The following SAMD12 variants were observed in gnomAD, a reference collection of about 807,000 sequenced individuals.
SAMD12 encodes the protein sterile alpha motif domain-containing protein 12.
SAMD12 carries 9 observed loss-of-function variants against 15.0 expected under a neutral mutation model. That is an observed-to-expected ratio of 0.60 (90% CI 0.36 to 1.05). SAMD12 has a LOEUF of 1.05. Ranked by LOEUF, SAMD12 falls within the 50% of genes least tolerant of loss-of-function variation. The pLI, the probability that SAMD12 is intolerant of heterozygous loss-of-function variation, is 0.01. For missense variants in SAMD12, 230 were observed against 234.2 expected (o/e 0.98, Z 0.12); for synonymous variants, 86 against 90.1 (o/e 0.96, Z 0.25).
chr8:118,533,478 C>A (rs1825746291), intron 2 of SAMD12, among the ~76,000 whole-genome samples: 1 of 152,154 alleles, frequency 6.6e-6, no homozygotes, highest in African/African-American at 2.4e-5. Context: ...GAGCTGAGTT[C>A]AGTTCCTGGA....
chr8:118,219,003 C>A (rs17507557), intron 4 of SAMD12, among the ~76,000 whole-genome samples: 6,472 of 152,246 alleles, frequency 0.043, 406 homozygotes, highest in African/African-American at 0.14. Context: ...CTCACACTCT[C>A]TAAAGCAACA....
chr8:118,208,797 T>TA (rs910581249), intron 4 of SAMD12, among the ~76,000 whole-genome samples: 23 of 152,224 alleles, frequency 1.5e-4, no homozygotes, highest in African/African-American at 5.3e-4. Context: ...AGCAATTTAA[T>TA]AAAAAAATAA....
chr8:118,267,520 A>G (rs1265402690), intron 4 of SAMD12, among the ~76,000 whole-genome samples: 1 of 152,168 alleles, frequency 6.6e-6, no homozygotes, highest in African/African-American at 2.4e-5. Context: ...GCATGTGGAC[A>G]GAGTGGGTTT....
At chr8:118,369,586 G>A (rs1818974750) in intron 4 of SAMD12, among the ~76,000 whole-genome samples, 1 of 151,890 alleles carries the variant, frequency 6.6e-6, no homozygotes, top group African/African-American at 2.4e-5. Context: ...CATGGTGGTG[G>A]GCACCTGTAA....
downstream of SAMD12, among the ~76,000 whole-genome samples, chr8:118,375,050 G>A (rs574434653): frequency 1.3e-5 from 2 of 152,062 alleles, no homozygotes; most frequent in South Asian, 4.2e-4. Context: ...TGCCTAGTGG[G>A]GGTAGTTGCA....
intron 2 of SAMD12, among the ~76,000 whole-genome samples, chr8:118,505,799 A>T (rs919191456): frequency 6.6e-6 from 1 of 151,990 alleles, no homozygotes; most frequent in Non-Finnish European, 1.5e-5. Flanking sequence ...CTTTTTGTGA[A>T]TTCACTTAAT....
At chr8:118,186,656 T>A (rs895946465), downstream of SAMD12, among the ~76,000 whole-genome samples, 1 of 152,024 alleles carries the variant, frequency 6.6e-6, no homozygotes, top group Admixed American at 6.6e-5. Context: ...TATTATCATA[T>A]CCCTTTTTCT....
intron 2 of SAMD12, among the ~76,000 whole-genome samples, chr8:118,559,772 C>T (rs1826653740): frequency 6.6e-6 from 1 of 152,006 alleles, no homozygotes; most frequent in Non-Finnish European, 1.5e-5. Flanking sequence ...AATGGTTATA[C>T]AAAATTATGC....
chr8:118,570,169 C>G (rs1826968691), intron 2 of SAMD12, among the ~76,000 whole-genome samples: 3 of 152,094 alleles, frequency 2.0e-5, no homozygotes. Context: ...TTGGCCAACG[C>G]TAGAGGGTAG....
intron 4 of SAMD12, among the ~76,000 whole-genome samples, chr8:118,306,122 A>G (rs9694445): frequency 0.48 from 72,971 of 151,962 alleles, 20,065 homozygotes; most frequent in African/African-American, 0.77. Context: ...TGAAGTTTCA[A>G]TATTCAGCTC....
At chr8:118,522,741 C>A (rs1370562528) in intron 2 of SAMD12, among the ~76,000 whole-genome samples, 1 of 152,064 alleles carries the variant, frequency 6.6e-6, no homozygotes, top group Non-Finnish European at 1.5e-5. Context: ...CTCAATGGAA[C>A]AAGCAGTTTT....
chr8:118,333,758 C>T (rs938058050), intron 4 of SAMD12, among the ~76,000 whole-genome samples: 15 of 152,206 alleles, frequency 9.9e-5, no homozygotes, highest in East Asian at 5.8e-4. Flanking sequence ...TCAACCTTTA[C>T]GGTATAACCT....
chr8:118,534,520 T>A (rs1203641038), intron 2 of SAMD12, among the ~76,000 whole-genome samples: 1 of 152,244 alleles, frequency 6.6e-6, no homozygotes, highest in Non-Finnish European at 1.5e-5. Flanking sequence ...TTCTCCTGGA[T>A]AATATCCTGC....
intron 1 of SAMD12, among the ~76,000 whole-genome samples, chr8:118,595,920 C>G (rs1281072340): frequency 6.6e-6 from 1 of 152,218 alleles, no homozygotes; most frequent in Non-Finnish European, 1.5e-5. Flanking sequence ...CTCCCCTCCC[C>G]TTATGGCAGA....
chr8:118,579,856 A>G (rs1369257431), intron 2 of SAMD12, among the ~76,000 whole-genome samples: 1 of 152,176 alleles, frequency 6.6e-6, no homozygotes, highest in African/African-American at 2.4e-5. Context: ...AGTATCTTCA[A>G]CAACACTGTG....
At chr8:118,145,618 T>G in the SAMD12 span, among the ~76,000 whole-genome samples, 1 of 152,144 alleles carries the variant, frequency 6.6e-6, no homozygotes, top group African/African-American at 2.4e-5. Flanking sequence ...TTCAGGAGGC[T>G]TATTGGAGAG....
chr8:118,144,705 G>A, the SAMD12 span, among the ~76,000 whole-genome samples: 81 of 152,154 alleles, frequency 5.3e-4, no homozygotes, highest in African/African-American at 1.8e-3. Context: ...AGAGGGAAAA[G>A]AAGATAAGGG....
At chr8:118,585,393 T>A (rs1193802320) in intron 1 of SAMD12, among the ~76,000 whole-genome samples, 1 of 152,198 alleles carries the variant, frequency 6.6e-6, no homozygotes, top group Non-Finnish European at 1.5e-5. Context: ...ATAATGTGAA[T>A]GTGCCTAATG....
At chr8:118,616,396 C>T (rs1053431395) in intron 1 of SAMD12, among the ~76,000 whole-genome samples, 4 of 152,080 alleles carry the variant, frequency 2.6e-5, no homozygotes, top group African/African-American at 9.7e-5. Flanking sequence ...GAAAGTACCA[C>T]CAGTAGAAGA....
Sources: allele counts gnomAD v4.1 joint callset (sites outside exome capture counted in the v4.1 genomes callset), GRCh38; gene constraint gnomAD v4.1.1; transcripts MANE v1.5; gene names NCBI Gene and HGNC (gene_info 2026-07-23, HGNC 2026-07-21).